PCDH15: variants seen among roughly 807,000 people sequenced by gnomAD.
PCDH15 encodes the protein protocadherin-15.
PCDH15 carries 129 observed loss-of-function variants against 178.5 expected under a neutral mutation model. That is an observed-to-expected ratio of 0.72 (90% CI 0.63 to 0.84). The LOEUF is 0.84. PCDH15 is among the 40% of genes least tolerant of loss of function. The pLI is 0.00. For missense variants in PCDH15, 2,230 were observed against 2,099.9 expected (o/e 1.06, Z -1.21); for synonymous variants, 800 against 732.0 (o/e 1.09, Z -1.50).
At chr10:54,181,098 A>G (rs10825261) in intron 13 of PCDH15, among the ~76,000 whole-genome samples, 6,223 of 152,206 alleles carry the variant, frequency 0.041, 162 homozygotes, top group South Asian at 0.089. Flanking sequence ...TTCATTTCCA[A>G]TTATGTCATT....
intron 2 of PCDH15, among the ~76,000 whole-genome samples, chr10:55,343,536 CT>C (rs938066400): frequency 1.3e-5 from 2 of 151,554 alleles, no homozygotes; most frequent in Non-Finnish European, 2.9e-5. Context: ...CATAATCTTC[CT>C]TTTCCCCCCC....
intron 2 of PCDH15, among the ~76,000 whole-genome samples, chr10:55,093,551 C>T (rs1024029379): frequency 1.6e-5 from 2 of 128,818 alleles, no homozygotes; most frequent in African/African-American, 6.0e-5. Context: ...GAAGTCCTTG[C>T]CCATGCCTAT....
intron 3 of PCDH15, among the ~76,000 whole-genome samples, chr10:54,867,157 G>A (rs1953957037): frequency 6.6e-6 from 1 of 152,116 alleles, no homozygotes; most frequent in Admixed American, 6.6e-5. Context: ...ATATCAGGCA[G>A]CTAATTTTGA....
At chr10:54,140,529 A>C (rs953603092) in intron 14 of PCDH15, among the ~76,000 whole-genome samples, 2 of 150,852 alleles carry the variant, frequency 1.3e-5, no homozygotes, top group African/African-American at 4.9e-5. Flanking sequence ...AGTGCAGTGG[A>C]GTGATCTCAG....
At chr10:55,382,443 C>T (rs1409100793) in intron 2 of PCDH15, among the ~76,000 whole-genome samples, 3 of 152,116 alleles carry the variant, frequency 2.0e-5, no homozygotes, top group Admixed American at 6.5e-5. Flanking sequence ...ACTAAATCTA[C>T]CATTGTTGGT....
At chr10:55,184,361 G>C (rs1004590709) in intron 1 of PCDH15, among the ~76,000 whole-genome samples, 2 of 151,954 alleles carry the variant, frequency 1.3e-5, no homozygotes, top group Admixed American at 6.6e-5. Context: ...GTCATTTATT[G>C]TTTGGTGAAA....
At chr10:54,566,554 GC>G (rs2133468254) in intron 2 of PCDH15, among the ~76,000 whole-genome samples, 1 of 152,116 alleles carries the variant, frequency 6.6e-6, no homozygotes, top group Non-Finnish European at 1.5e-5. Context: ...CTATAGTTCT[GC>G]CTTTCACAGA....
intron 2 of PCDH15, among the ~76,000 whole-genome samples, chr10:55,111,571 C>A (rs1328493166): frequency 6.6e-6 from 1 of 152,016 alleles, no homozygotes; most frequent in African/African-American, 2.4e-5. Flanking sequence ...TTGACGGGTG[C>A]AGTGGCTCAC....
intron 1 of PCDH15, among the ~76,000 whole-genome samples, chr10:54,708,052 G>T (rs1212655006): frequency 6.6e-6 from 1 of 152,096 alleles, no homozygotes; most frequent in Non-Finnish European, 1.5e-5. Context: ...GAAAATATAT[G>T]CAATTATAAA....
At chr10:54,307,451 T>C (rs1450628940) in intron 8 of PCDH15, among the ~76,000 whole-genome samples, 2 of 151,566 alleles carry the variant, frequency 1.3e-5, no homozygotes, top group Non-Finnish European at 2.9e-5. Flanking sequence ...CAGGAGGCTC[T>C]GTGGGACAAT....
At chr10:55,619,525 T>C (rs541987660) in intron 2 of PCDH15, among the ~76,000 whole-genome samples, 5 of 152,156 alleles carry the variant, frequency 3.3e-5, no homozygotes, top group African/African-American at 1.2e-4. Flanking sequence ...GACAAAGTTT[T>C]AAACTTTCCT....
At chr10:53,995,595 G>GT in intron 21 of PCDH15, 54 bp downstream of exon 21, 1 of 1,613,234 alleles carries the variant, frequency 6.2e-7, no homozygotes, top group East Asian at 2.2e-5. Context: ...ATTTATGAGT[G>GT]TTAAGGATTT....
At chr10:54,532,866 C>T (rs2084073526) in intron 2 of PCDH15, among the ~76,000 whole-genome samples, 1 of 152,052 alleles carries the variant, frequency 6.6e-6, no homozygotes, top group Admixed American at 6.6e-5. Context: ...CAGTCTCCTC[C>T]CACATCTCAA....
At chr10:54,074,464 C>A (rs886763914) in intron 17 of PCDH15, among the ~76,000 whole-genome samples, 2 of 152,154 alleles carry the variant, frequency 1.3e-5, no homozygotes, top group Non-Finnish European at 2.9e-5. Context: ...TTGTGACTGG[C>A]TAATCTCACT....
intron 2 of PCDH15, among the ~76,000 whole-genome samples, chr10:55,085,448 T>C (rs78867549): frequency 0.04 from 6,145 of 151,894 alleles, 300 homozygotes; most frequent in East Asian, 0.15. Context: ...GAGTGGCCAA[T>C]AACAATTTAT....
chr10:54,465,313 A>C (rs1047595100), intron 3 of PCDH15, among the ~76,000 whole-genome samples: 4 of 152,052 alleles, frequency 2.6e-5, no homozygotes, highest in African/African-American at 9.7e-5. Flanking sequence ...GTTGTTTAGT[A>C]ACTAAAGTTT....
At chr10:55,059,614 C>G (rs1020479747) in intron 2 of PCDH15, among the ~76,000 whole-genome samples, 2 of 152,078 alleles carry the variant, frequency 1.3e-5, no homozygotes, top group African/African-American at 4.8e-5. Flanking sequence ...CTCTTGCCAG[C>G]TGTGTGAAGA....
rs1378726739 is a variant in PCDH15, at chr10:54,358,075, T to C, written c.474+11045A>G. 3.3e-5 allele frequency among the ~76,000 whole-genome samples: 5 copies of C among 150,788 alleles called. No individual in the cohort carries two copies. In the East Asian group the frequency reaches 9.7e-4, roughly 29 times the overall value. ...CGATAAAAAACCCTAGAAGAAAACC[T>C]AGGCATTACCATTCAGGACATAGGC... On this transcript the variant is annotated intron_variant, in intron 5 of 37. Coordinates refer to ENST00000644397, the MANE Select transcript of PCDH15 (RefSeq NM_001384140.1).
At chr10:55,576,410 G>A (rs1234420331) in intron 2 of PCDH15, among the ~76,000 whole-genome samples, 2 of 152,094 alleles carry the variant, frequency 1.3e-5, no homozygotes, top group Non-Finnish European at 2.9e-5. Flanking sequence ...GGGTGGCAGA[G>A]GTGAAAGAAA....
Sources: gnomAD v4.1 joint callset for allele counts (sites outside exome capture counted in the v4.1 genomes callset) on GRCh38, gnomAD v4.1.1 for gene constraint, MANE v1.5 for transcripts, NCBI Gene and HGNC (gene_info 2026-07-23, HGNC 2026-07-21) for gene names.